Variants in LYAR observed in about 807,000 individuals in gnomAD.
LYAR encodes Ly1 antibody reactive.
A neutral mutation model predicts 45.2 loss-of-function variants in LYAR; 37 were observed. The ratio of observed to expected loss-of-function variants is 0.82; its 90% confidence interval spans 0.63 to 1.08. LYAR has a LOEUF of 1.08. LYAR is among the 50% of genes least tolerant of loss of function. The pLI is 0.00. For synonymous variants in LYAR, 176 were observed against 155.1 expected (o/e 1.14, Z -1.00); for missense variants, 493 against 451.0 (o/e 1.09, Z -0.84).
intron 1 of LYAR, among the ~76,000 whole-genome samples, chr4:4,289,425 C>T (rs1486713203): frequency 6.6e-6 from 1 of 152,212 alleles, no homozygotes; most frequent in African/African-American, 2.4e-5. Flanking sequence ...TCATCCTCCT[C>T]CCTCTCTCCT....
At chr4:4,282,785 GA>G (rs1194983727) in intron 3 of LYAR, among the ~76,000 whole-genome samples, 1 of 152,158 alleles carries the variant, frequency 6.6e-6, no homozygotes, top group East Asian at 1.9e-4. Flanking sequence ...CTCCTCAGTG[GA>G]AGTGTCTCCT....
Position 4,268,718 on chromosome 4 carries a change from C to T in LYAR, c.920-103G>A. ...ACCTATTTGCTTCCCAGGAAATGAG[C>T]TAACCCTCTAATGAACCAGACTCCA... On this transcript the variant is annotated intron_variant, in intron 8 of 9. Coordinates refer to ENST00000343470, the MANE Select transcript of LYAR (RefSeq NM_017816.3). The T allele has an allele frequency of 5.7e-6, 4 of 702,018 alleles. No individual in the cohort carries two copies. The South Asian group carries it at 7.3e-5, about 13-fold the overall frequency. 43.5% of individuals were successfully genotyped at this position (702,018 alleles called of 1,614,324 possible).
rs781568883 is a variant in LYAR, at chr4:4,274,425, G to A, written c.774C>T (p.Ser258=). 6.5e-5 allele frequency: 105 copies of A among 1,613,814 alleles called. No individual in the cohort carries two copies. The highest frequency in any genetic ancestry group is 1.2e-4 in the South Asian group (11 of 91,052). The change falls in exon 7 of 10, where the codon AGC becomes AGT. Residue 258 remains serine (S), a synonymous_variant. Coordinates refer to ENST00000343470, the MANE Select transcript of LYAR (RefSeq NM_017816.3). ...CCACGCGTGCCTCTTCCTCACTGGC[G>A]CTGTCCTTGCGCTGCTTCTTCTTCT... ...RSKKKKQRKD[S]ASEEEARVGA... is the part of the protein sequence containing the mutation.
At chr4:4,286,663 T>TTTTTTTTTA (rs58226618) in intron 1 of LYAR, 91 bp from the exon 2 acceptor site, 4 of 140,386 alleles carry the variant, frequency 2.8e-5, no homozygotes, top group Non-Finnish European at 4.7e-5. Context: ...TTTTTTTTTT[T>TTTTTTTTTA]GAGAAAGGAG....
intron 6 of LYAR, among the ~76,000 whole-genome samples, chr4:4,276,037 A>G (rs147412077): frequency 2.3e-3 from 356 of 152,212 alleles, no homozygotes; most frequent in African/African-American, 8.4e-3. Context: ...GCCTACTTTA[A>G]ACAGTGACAT....
intron 2 of LYAR, 64 bp from the exon 3 acceptor site, chr4:4,283,859 C>T (rs1399011538): frequency 4.1e-6 from 3 of 729,108 alleles, no homozygotes; most frequent in Non-Finnish European, 6.3e-6. Context: ...ATGGCTCATG[C>T]CCCTAACTTT....
Position 4,274,638 on chromosome 4 carries a change from ATTC to A in LYAR, c.558_560del (p.Lys186del), listed in dbSNP as rs1560092991. 2 of 1,612,024 alleles carry A rather than the reference ATTC, an allele frequency of 1.2e-6. No individual in the cohort carries two copies. The highest frequency in any genetic ancestry group is 2.2e-5 in the South Asian group (2 of 90,958). On this transcript the variant is annotated inframe_deletion, in exon 7 of 10. Transcript: ENST00000343470. ...GCCGTTCTTCCTTTCTTTCTCTTTT[ATTC>A]TTCTTCACCTCCCCTTGCTGTTCCA... is the stretch of plus-strand genomic sequence containing the variant.
intron 6 of LYAR, 100 bp from the exon 7 acceptor site, chr4:4,274,869 A>G: frequency 8.2e-7 from 1 of 1,214,834 alleles, no homozygotes; most frequent in Non-Finnish European, 1.2e-6. Flanking sequence ...TGTTCAAGAA[A>G]AACGGTTGGT....
Position 4,274,638 on chromosome 4 carries a change from A to G in LYAR, c.561T>C (p.Asn187=), listed in dbSNP as rs1560092987. 1.2e-6 allele frequency: 2 copies of G among 1,611,906 alleles called. No homozygotes were observed. Among genetic ancestry groups the G allele is most frequent in the Non-Finnish European group, 1.7e-6 (2 of 1,179,516 alleles). ...GCCGTTCTTCCTTTCTTTCTCTTTT[A>G]TTCTTCTTCACCTCCCCTTGCTGTT... ...AVEQQGEVKK[N]KRERKEERQK... The change falls in exon 7 of 10, where the codon AAT becomes AAC. Residue 187 remains asparagine (N), a synonymous_variant. Coordinates refer to ENST00000343470, the MANE Select transcript of LYAR (RefSeq NM_017816.3).
intron 8 of LYAR, among the ~76,000 whole-genome samples, chr4:4,270,287 A>G (rs984582907): frequency 1.3e-5 from 2 of 150,400 alleles, no homozygotes; most frequent in African/African-American, 4.9e-5. Context: ...AAAAAAAAAA[A>G]GTTATCCATT....
chr4:4,286,943 G>A (rs1479922367), intron 1 of LYAR, among the ~76,000 whole-genome samples: 3 of 152,232 alleles, frequency 2.0e-5, no homozygotes, highest in Middle Eastern at 3.4e-3. Context: ...GAGCCACCGC[G>A]CCCGGCCTTA....
rs761411089 is a variant in LYAR, at chr4:4,279,714, G to A, written c.273C>T (p.Ser91=). Residue 91 remains serine, a synonymous_variant, in exon 5 of 10, where the codon AGC becomes AGT. Transcript: ENST00000343470. The stretch of plus-strand genomic sequence containing the variant: ...GCTCTAAAAGTTCTCTCACTTTGGG[G>A]CTGACATTGGGTCTCTTTATTAATT... ...ISELIKRPNV[S]PKVRELLEQI... The A allele has an allele frequency of 6.2e-7, 1 of 1,613,440 alleles. No homozygotes were observed. The highest frequency in any genetic ancestry group is 2.2e-5 in the East Asian group (1 of 44,884).
At chr4:4,270,298 A>G (rs1718883058) in intron 8 of LYAR, among the ~76,000 whole-genome samples, 1 of 147,892 alleles carries the variant, frequency 6.8e-6, no homozygotes, top group African/African-American at 2.5e-5. Flanking sequence ...GTTATCCATT[A>G]AGATAATTTA....
At chr4:4,280,014 T>C (rs775481558) in intron 4 of LYAR, among the ~76,000 whole-genome samples, 8 of 152,250 alleles carry the variant, frequency 5.3e-5, no homozygotes, top group Non-Finnish European at 1.0e-4. Context: ...TCACAGATGA[T>C]GTGGTCTTAT....
At chr4:4,272,988 C>T (rs1032158462) in intron 8 of LYAR, among the ~76,000 whole-genome samples, 101 of 152,156 alleles carry the variant, frequency 6.6e-4, no homozygotes, top group African/African-American at 2.3e-3. Flanking sequence ...TCAGAGGGCC[C>T]GTGAAGGCCA....
chr4:4,275,894 C>T (rs1456302625), intron 6 of LYAR, among the ~76,000 whole-genome samples: 1 of 152,174 alleles, frequency 6.6e-6, no homozygotes, highest in East Asian at 1.9e-4. Flanking sequence ...CAGGGTTTCA[C>T]CATGTTGGCC....
At chr4:4,269,891 G>A (rs1486825576) in intron 8 of LYAR, among the ~76,000 whole-genome samples, 2 of 152,180 alleles carry the variant, frequency 1.3e-5, no homozygotes, top group Non-Finnish European at 1.5e-5. Context: ...CAGCTTGATT[G>A]TAGTCACTAT....
intron 8 of LYAR, chr4:4,268,836 T>G (rs901851023): frequency 4.5e-6 from 2 of 442,468 alleles, no homozygotes; most frequent in Middle Eastern, 5.9e-4. Context: ...GCCCATGTGC[T>G]ATTGGCATGA....
intron 6 of LYAR, among the ~76,000 whole-genome samples, chr4:4,277,203 C>T (rs925745395): frequency 1.3e-5 from 2 of 152,126 alleles, no homozygotes; most frequent in Non-Finnish European, 2.9e-5. Flanking sequence ...CCTGCCACCA[C>T]ACCCAGCTAA....
Sources: gnomAD v4.1 joint callset for allele counts (sites outside exome capture counted in the v4.1 genomes callset) on GRCh38, gnomAD v4.1.1 for gene constraint, MANE v1.5 for transcripts, NCBI Gene and HGNC (gene_info 2026-07-23, HGNC 2026-07-21) for gene names.